CCDC88C: variants seen among roughly 807,000 people sequenced by gnomAD.
The protein encoded by CCDC88C is coiled-coil and HOOK domain protein 88C, also known as protein Daple.
Under a neutral mutation model 198.8 loss-of-function variants are expected in CCDC88C, and 131 were observed. That is an observed-to-expected ratio of 0.66 (90% CI 0.57 to 0.76). The LOEUF is 0.76. CCDC88C is among the 30% of genes least tolerant of loss of function. CCDC88C has a pLI of 0.00. For synonymous variants in CCDC88C, 1,166 were observed against 1,114.7 expected, an observed-to-expected ratio of 1.05 and a Z score of -0.92; for missense variants, 2,553 against 2,631.6, an observed-to-expected ratio of 0.97 and a Z score of 0.65.
At chr14:91,290,233 T>C (rs1209644398) in intron 24 of CCDC88C, among the ~76,000 whole-genome samples, 1 of 152,158 alleles carries the variant, frequency 6.6e-6, no homozygotes, top group Non-Finnish European at 1.5e-5. Context: ...GACTGTGCCA[T>C]TGCACTCCAA....
chr14:91,312,953 C>T, intron 15 of CCDC88C, 127 bp downstream of exon 15: 1 of 693,450 alleles, frequency 1.4e-6, no homozygotes, highest in South Asian at 2.0e-5. Context: ...TTAGGTATTG[C>T]TGTTTAGAAT....
At chr14:91,378,755 T>G (rs967893436) in intron 3 of CCDC88C, 1 of 152,234 alleles carries the variant, frequency 6.6e-6, no homozygotes, top group African/African-American at 2.4e-5. Context: ...ATTGGGAACA[T>G]GCTATTTTTA....
chr14:91,332,180 G>C (rs1276897971), intron 10 of CCDC88C, among the ~76,000 whole-genome samples: 1 of 152,216 alleles, frequency 6.6e-6, no homozygotes, highest in East Asian at 1.9e-4. Flanking sequence ...TTTGCCTGCA[G>C]TAGAAACTTT....
At chr14:91,360,573 C>A (rs951582064) in intron 3 of CCDC88C, among the ~76,000 whole-genome samples, 83 of 152,344 alleles carry the variant, frequency 5.4e-4, no homozygotes, top group African/African-American at 1.9e-3. Context: ...AGACTTCTCT[C>A]ATTTATAGCA....
At chr14:91,384,000 C>T (rs1884970223) in intron 3 of CCDC88C, among the ~76,000 whole-genome samples, 1 of 152,188 alleles carries the variant, frequency 6.6e-6, no homozygotes, top group African/African-American at 2.4e-5. Context: ...AGTGCCACAC[C>T]TGGGTACCAC....
chr14:91,307,560 G>A (rs1891612258), intron 17 of CCDC88C, among the ~76,000 whole-genome samples: 1 of 152,220 alleles, frequency 6.6e-6, no homozygotes, highest in Non-Finnish European at 1.5e-5. Context: ...TACAGGAGGT[G>A]AACAGGGATG....
rs548722461 is a variant in CCDC88C, at chr14:91,316,571, T to C, written c.1528-784A>G. On this transcript the variant is annotated intron_variant, in intron 13 of 29. Transcript: ENST00000389857. Reference sequence around the variant, plus strand: ...CTGAGTAACTAGGACTACAGAAGCCTGCCACCACGCCCATCTAATTTTTGT... The same window carrying C: ...CTGAGTAACTAGGACTACAGAAGCCCGCCACCACGCCCATCTAATTTTTGT... Among the ~76,000 whole-genome samples the C allele has an allele frequency of 1.1e-4, 16 of 152,246 alleles. No homozygotes were observed. The East Asian group carries it at 3.1e-3, about 29-fold the overall frequency.
intron 13 of CCDC88C, among the ~76,000 whole-genome samples, chr14:91,318,518 A>G (rs1892205108): frequency 6.6e-6 from 1 of 152,224 alleles, no homozygotes; most frequent in African/African-American, 2.4e-5. Context: ...ACCACCTGGC[A>G]GCTCAAACGC....
At chr14:91,324,609 TC>T (rs1353977056) in intron 12 of CCDC88C, among the ~76,000 whole-genome samples, 169 bp downstream of exon 12, 1 of 152,248 alleles carries the variant, frequency 6.6e-6, no homozygotes, top group Non-Finnish European at 1.5e-5. Context: ...CCTCGTGTCT[TC>T]CCTGGGGAGA....
intron 23 of CCDC88C, among the ~76,000 whole-genome samples, 180 bp from the exon 24 acceptor site, chr14:91,291,264 C>T (rs571402815): frequency 8.5e-5 from 13 of 152,288 alleles, no homozygotes; most frequent in East Asian, 1.9e-4. Context: ...TGGCATGCGC[C>T]GTGGGTTCAG....
At chr14:91,282,632 T>C (rs1890244028) in intron 26 of CCDC88C, among the ~76,000 whole-genome samples, 1 of 152,180 alleles carries the variant, frequency 6.6e-6, no homozygotes, top group African/African-American at 2.4e-5. Flanking sequence ...CAAAGAATAT[T>C]TTAATCTCAT....
chr14:91,345,166 T>TTATATATA (rs758438547), intron 4 of CCDC88C, among the ~76,000 whole-genome samples: 13 of 100,528 alleles, frequency 1.3e-4, no homozygotes, highest in East Asian at 1.0e-3. Context: ...GAGGTTCAAT[T>TTATATATA]TATATATATA....
intron 16 of CCDC88C, among the ~76,000 whole-genome samples, chr14:91,309,486 CCCAGCTAGGTAGTGGTCT>C (rs1226725423): frequency 6.6e-6 from 1 of 151,822 alleles, no homozygotes; most frequent in African/African-American, 2.4e-5. Flanking sequence ...TGCCTGTGGT[CCCAGCTAGGTAGTGGTCT>C]CCAGCTAGGG....
intron 3 of CCDC88C, among the ~76,000 whole-genome samples, chr14:91,386,679 T>C (rs1885169495): frequency 6.6e-6 from 1 of 152,208 alleles, no homozygotes; most frequent in Non-Finnish European, 1.5e-5. Flanking sequence ...TTTTAGACTT[T>C]CCACCATGGC....
chr14:91,278,836 A>G (rs1472939229), intron 28 of CCDC88C, among the ~76,000 whole-genome samples: 1 of 144,578 alleles, frequency 6.9e-6, no homozygotes, highest in Non-Finnish European at 1.5e-5. Context: ...ACCCCTAGTC[A>G]TGTATTTTAA....
In CCDC88C at chr14:91,278,209, A is replaced by C; in HGVS notation, c.4771T>G (p.Ser1591Ala). 6.3e-7 allele frequency: 1 copy of C among 1,594,738 alleles called. No homozygotes were observed. Among genetic ancestry groups the C allele is most frequent in the East Asian group, 2.2e-5 (1 of 44,482 alleles). The change falls in exon 29 of 30, where the codon TCC becomes GCC. Residue 1591 changes from serine (S) to alanine (A), a missense_variant and splice_region_variant. Coordinates refer to ENST00000389857, the MANE Select transcript of CCDC88C (RefSeq NM_001080414.4). ...SNSSPLNLKG[S>A]SEQLHGRSES... The stretch of plus-strand genomic sequence containing the variant: ...GACCGGCCATGGAGCTGCTCGGAGG[A>C]GCCTGGGTGTCAGGGCAGGAGACAG...
intron 10 of CCDC88C, among the ~76,000 whole-genome samples, chr14:91,326,716 C>G (rs1380172187): frequency 6.6e-6 from 1 of 152,180 alleles, no homozygotes; most frequent in African/African-American, 2.4e-5. Context: ...AGGTCTGAGT[C>G]TAGTAGACCT....
At chr14:91,291,185 T>C in intron 23 of CCDC88C, 101 bp from the exon 24 acceptor site, 1 of 700,378 alleles carries the variant, frequency 1.4e-6, no homozygotes, top group Non-Finnish European at 2.5e-6. Context: ...CCGGGGCTGG[T>C]ATTTTTCCAG....
intron 3 of CCDC88C, among the ~76,000 whole-genome samples, chr14:91,388,344 A>AG (rs1275471074): frequency 1.3e-5 from 2 of 152,176 alleles, no homozygotes; most frequent in Non-Finnish European, 2.9e-5. Flanking sequence ...ATGTAAAATG[A>AG]GGGGACTGGG....
Sources: allele counts gnomAD v4.1 joint callset (sites outside exome capture counted in the v4.1 genomes callset), GRCh38; gene constraint gnomAD v4.1.1; transcripts MANE v1.5; gene names NCBI Gene and HGNC (gene_info 2026-07-23, HGNC 2026-07-21).